Variants in ARL3 observed in about 807,000 individuals in gnomAD.
The protein encoded by ARL3 is ADP-ribosylation factor-like protein 3.
ARL3 carries 9 observed loss-of-function variants against 26.0 expected under a neutral mutation model. The ratio of observed to expected loss-of-function variants is 0.35; its 90% CI spans 0.21 to 0.60. ARL3 has a LOEUF of 0.60. Among genes scored for constraint, ARL3 ranks in the 20% least tolerant of loss-of-function variants. The pLI, the probability that ARL3 is intolerant of heterozygous loss-of-function variation, is 0.78. For synonymous variants in ARL3, 71 were observed against 78.4 expected (o/e 0.91, Z 0.50); for missense variants, 158 against 215.7 (o/e 0.73, Z 1.67).
At chr10:102,701,695 C>G (rs78150904) in intron 2 of ARL3, among the ~76,000 whole-genome samples, 1,853 of 152,106 alleles carry the variant, frequency 0.012, 33 homozygotes, top group African/African-American at 0.042. Flanking sequence ...TCTTGGAATA[C>G]AAGTAACAGT....
At chr10:102,696,409 C>T (rs372687023) in intron 3 of ARL3, among the ~76,000 whole-genome samples, 53 of 151,898 alleles carry the variant, frequency 3.5e-4, no homozygotes, top group Middle Eastern at 3.4e-3. Context: ...GGATTACAGG[C>T]GCCCACCACC....
In ARL3 at chr10:102,714,289, CCCTCCT is replaced by C. The variant is rs71019606; in HGVS notation, c.-20_-15del. The C allele has an allele frequency of 2.3e-5, 30 of 1,307,456 alleles. No homozygotes were observed. Among genetic ancestry groups the C allele is most frequent in the East Asian group, 2.8e-5 (1 of 35,568 alleles). 81.0% of individuals were successfully genotyped at this position (1,307,456 alleles called of 1,614,324 possible). A position where few individuals can be genotyped will look rare whatever the true frequency, so the allele number is the denominator to read the frequency against. On this transcript the variant is annotated 5_prime_UTR_variant, in exon 1 of 6. Coordinates refer to ENST00000260746, the MANE Select transcript of ARL3 (RefSeq NM_004311.4). ...CACACTCACCATCCTCCCGCCGAGTCCCTCCTCCTCCTCCTCCTCCTGCTGCCTCCC... is the reference window on the plus strand; with the variant it reads ...CACACTCACCATCCTCCCGCCGAGTCCCTCCTCCTCCTCCTGCTGCCTCCC...
At chr10:102,687,115 A>C (rs1163770488) in intron 4 of ARL3, among the ~76,000 whole-genome samples, 1 of 149,478 alleles carries the variant, frequency 6.7e-6, no homozygotes, top group Non-Finnish European at 1.5e-5. Context: ...TGACCTTGTG[A>C]TCCACCCCCC....
At position 102,714,354 on chromosome 10, in the gene ARL3, C is replaced by A. The variant is rs995146312; in HGVS notation, c.-79G>T. The A allele has an allele frequency of 1.6e-6, 2 of 1,258,980 alleles. No individual in the cohort carries two copies. Among genetic ancestry groups the A allele is most frequent in the Non-Finnish European group, 2.0e-6 (2 of 988,238 alleles). 78.0% of individuals were successfully genotyped at this position (1,258,980 alleles called of 1,614,324 possible). ...AGGGGCAACTGCTGCGGCGCCGCCC[C>A]CGACGTCCCTCGCACGCACAGCTGA... On this transcript the variant is annotated 5_prime_UTR_variant, in exon 1 of 6. Coordinates refer to ENST00000260746, the MANE Select transcript of ARL3 (RefSeq NM_004311.4).
intron 1 of ARL3, among the ~76,000 whole-genome samples, chr10:102,707,483 A>G (rs1590128739): frequency 6.6e-6 from 1 of 152,312 alleles, no homozygotes; most frequent in African/African-American, 2.4e-5. Flanking sequence ...TTTAAAGGGC[A>G]TATAATTTAA....
intron 3 of ARL3, among the ~76,000 whole-genome samples, chr10:102,696,937 C>T (rs2064251514): frequency 6.6e-6 from 1 of 152,142 alleles, no homozygotes; most frequent in African/African-American, 2.4e-5. Flanking sequence ...CATTATTAGG[C>T]AATTCTGACA....
At chr10:102,701,112 T>C (rs1268456976) in intron 2 of ARL3, among the ~76,000 whole-genome samples, 1 of 152,168 alleles carries the variant, frequency 6.6e-6, no homozygotes, top group Non-Finnish European at 1.5e-5. Flanking sequence ...CAGGCAGAAT[T>C]GCCAGGTGGG....
At chr10:102,695,603 G>A (rs1261013549) in intron 3 of ARL3, among the ~76,000 whole-genome samples, 2 of 151,648 alleles carry the variant, frequency 1.3e-5, no homozygotes, top group African/African-American at 4.8e-5. Flanking sequence ...CATGATCTTG[G>A]CTCACCGCAA....
At chr10:102,708,908 A>ATATATATATATTTTTTTTTTTTTT in intron 1 of ARL3, among the ~76,000 whole-genome samples, 1 of 95,348 alleles carries the variant, frequency 1.0e-5, no homozygotes, top group African/African-American at 4.2e-5. Context: ...ATATATATAT[A>ATATATATATATTTTTTTTTTTTTT]TTTTTTTTTT....
chr10:102,682,877 C>T (rs2041326458), intron 5 of ARL3, among the ~76,000 whole-genome samples: 1 of 151,840 alleles, frequency 6.6e-6, no homozygotes, highest in Non-Finnish European at 1.5e-5. Context: ...AGTGCCTAAT[C>T]ATTTGGGCCA....
intron 1 of ARL3, among the ~76,000 whole-genome samples, chr10:102,713,544 C>A (rs2064360078): frequency 6.6e-6 from 1 of 152,194 alleles, no homozygotes; most frequent in African/African-American, 2.4e-5. Flanking sequence ...GACGGAGCAG[C>A]TAATATGTCT....
At chr10:102,695,156 A>G (rs1028819539) in intron 3 of ARL3, among the ~76,000 whole-genome samples, 1 of 152,240 alleles carries the variant, frequency 6.6e-6, no homozygotes, top group Admixed American at 6.5e-5. Context: ...CAGTTTGTCA[A>G]TATCCCCAAA....
chr10:102,685,762 C>T (rs1316401001), intron 5 of ARL3, 54 bp downstream of exon 5: 12 of 1,524,376 alleles, frequency 7.9e-6, no homozygotes, highest in Admixed American at 2.0e-5. Flanking sequence ...ATGAGACAGA[C>T]CACCTCGGTT....
At chr10:102,707,636 C>A (rs937333369) in intron 1 of ARL3, among the ~76,000 whole-genome samples, 1 of 152,202 alleles carries the variant, frequency 6.6e-6, no homozygotes, top group African/African-American at 2.4e-5. Context: ...AAATAATTCT[C>A]AACAACTGCA....
chr10:102,695,699 T>G (rs192059220), intron 3 of ARL3, among the ~76,000 whole-genome samples: 1 of 152,206 alleles, frequency 6.6e-6, no homozygotes, highest in Non-Finnish European at 1.5e-5. Context: ...GTATTTTTAG[T>G]AGAGACGGGG....
At chr10:102,694,252 G>A (rs920327199) in intron 3 of ARL3, among the ~76,000 whole-genome samples, 1 of 151,424 alleles carries the variant, frequency 6.6e-6, no homozygotes, top group Non-Finnish European at 1.5e-5. Context: ...GCCTCCCAAA[G>A]TGCTGGGATT....
At chr10:102,694,600 C>T (rs746189319) in intron 3 of ARL3, among the ~76,000 whole-genome samples, 5 of 152,108 alleles carry the variant, frequency 3.3e-5, no homozygotes, top group Non-Finnish European at 5.9e-5. Context: ...ATTATCCTTC[C>T]TCCCTTGAAC....
intron 1 of ARL3, among the ~76,000 whole-genome samples, chr10:102,713,921 A>G (rs921934349): frequency 2.0e-5 from 3 of 152,208 alleles, no homozygotes; most frequent in Non-Finnish European, 4.4e-5. Flanking sequence ...CGGGAAGTCT[A>G]AGCCTGCTAG....
rs531041056 is a variant in ARL3, at chr10:102,697,626, G to A, written c.264+1747C>T. ...TAGTTTGAGATTCATAAGCATCTAA[G>A]TGGTCATTAAATCCTTCAAATTAGA... On this transcript the variant is annotated intron_variant, in intron 3 of 5. Coordinates refer to ENST00000260746, the MANE Select transcript of ARL3 (RefSeq NM_004311.4). Among the ~76,000 whole-genome samples the A allele has an allele frequency of 3.5e-4, 53 of 152,292 alleles. No homozygotes were observed. The South Asian group carries it at 0.011, about 32-fold the overall frequency.
Sources: gnomAD v4.1 joint callset for allele counts (sites outside exome capture counted in the v4.1 genomes callset) on GRCh38, gnomAD v4.1.1 for gene constraint, MANE v1.5 for transcripts, NCBI Gene and HGNC (gene_info 2026-07-23, HGNC 2026-07-21) for gene names.